The following CEP44 variants were observed in gnomAD, a reference collection of about 807,000 sequenced individuals.
CEP44 encodes centrosomal protein 44.
A neutral mutation model predicts 46.7 loss-of-function variants in CEP44; 45 were observed. The ratio of observed to expected loss-of-function variants is 0.96; its 90% CI spans 0.76 to 1.24. CEP44 has a LOEUF of 1.24. CEP44 is among the 50% of genes most tolerant of loss of function. CEP44 has a pLI of 0.00. For missense variants in CEP44, 475 were observed against 459.7 expected, an observed-to-expected ratio of 1.03 and a Z score of -0.30; for synonymous variants, 142 against 146.0, an observed-to-expected ratio of 0.97 and a Z score of 0.20.
Position 174,326,722 on chromosome 4 carries a change from A to G in CEP44, c.1087-4760A>G, listed in dbSNP as rs2126700072. Among the ~76,000 whole-genome samples, 1 of 151,774 alleles carries G rather than the reference A, an allele frequency of 6.6e-6. No individual in the cohort carries two copies. Among genetic ancestry groups the G allele is most frequent in the South Asian group, 2.1e-4 (1 of 4,810 alleles). ...TGAATTCTGGAAAAGTCTTTATTTC[A>G]CCTTCATTTTCAAATGAAGGATACA... is the stretch of plus-strand genomic sequence containing the variant. On this transcript the variant is annotated intron_variant, in intron 8 of 8. Transcript: ENST00000426172. This position sits in a 1 kb window ranked among gnomAD's most constrained non-coding sequence, Gnocchi z 4.8.
intron 9 of CEP44, among the ~76,000 whole-genome samples, chr4:174,315,135 C>G (rs934150977): frequency 6.6e-6 from 1 of 151,970 alleles, no homozygotes; most frequent in African/African-American, 2.4e-5. Context: ...CTAGTTGTTT[C>G]AGTTCTCAGT....
chr4:174,331,612 C>A lies in CEP44; in HGVS notation c.*17C>A. On this transcript the variant is annotated 3_prime_UTR_variant, in exon 9 of 9. Coordinates refer to the CEP44 transcript ENST00000426172. The surrounding 1 kb of genome is among the most constrained non-coding windows in gnomAD (Gnocchi z 4.5). The stretch of plus-strand genomic sequence containing the variant: ...TGTGTGTAATCTCTGTTTCTTGGAT[C>A]CTGTGCTTACCTTTTCCTGCTGTAC... The A allele has an allele frequency of 6.5e-7, 1 of 1,549,840 alleles. No individual in the cohort carries two copies. The highest frequency in any genetic ancestry group is 8.7e-7 in the Non-Finnish European group (1 of 1,146,006).
chr4:174,306,271 G>C (rs1016724172), intron 6 of CEP44, among the ~76,000 whole-genome samples: 1 of 152,068 alleles, frequency 6.6e-6, no homozygotes, highest in Non-Finnish European at 1.5e-5. Flanking sequence ...ATTGTTAGCT[G>C]AAGGTCTAAT....
rs1183899636 is a variant in CEP44 at position 174,309,999 on chromosome 4, G to A, written c.828G>A (p.Trp276Ter). Residue 276 changes from tryptophan to a stop codon, truncating the protein, a stop_gained, in exon 8 of 12, where the codon TGG (tryptophan) becomes TGA (stop). Coordinates refer to ENST00000503780, the MANE Select transcript of CEP44 (RefSeq NM_001040157.3). LOFTEE classifies it high-confidence loss of function. This position sits in a 1 kb window ranked among gnomAD's most constrained non-coding sequence, Gnocchi z 5.3. ...AAGTGATGGTAGATGAAAACACCTG[G>A]ACTAATCTTCTTAGTCGTGTCACTC... ...KGKVMVDENT[W>*]TNLLSRVTLL... 1 of 1,612,700 alleles carries A rather than the reference G, an allele frequency of 6.2e-7. No individual in the cohort carries two copies. The highest frequency in any genetic ancestry group is 8.5e-7 in the Non-Finnish European group (1 of 1,179,170).
Position 174,309,010 on chromosome 4 carries a change from GTC to G in CEP44, c.678+153_678+154del. On this transcript the variant is annotated intron_variant, in intron 7 of 11. Transcript: ENST00000503780. This position sits in a 1 kb window ranked among gnomAD's most constrained non-coding sequence, Gnocchi z 5.3. ...GTTACAATTACTGAAGTGTCAATAA[GTC>G]TTACTAAAATAATTCAACAAATATT... The G allele has an allele frequency of 1.3e-6, 1 of 748,470 alleles. No individual in the cohort carries two copies. Among genetic ancestry groups the G allele is most frequent in the Non-Finnish European group, 2.2e-6 (1 of 459,142 alleles). The allele number at this position is 748,470 out of a possible 1,614,324, so 46.4% of individuals were successfully genotyped here.
In CEP44 at chr4:174,326,073, G is replaced by A. The variant is rs1170276173; in HGVS notation, c.1087-5409G>A. Among the ~76,000 whole-genome samples, 1 of 152,042 alleles carries A rather than the reference G, an allele frequency of 6.6e-6. No individual in the cohort carries two copies. Among genetic ancestry groups the A allele is most frequent in the African/African-American group, 2.4e-5 (1 of 41,416 alleles). ...TACATTTAACTTGATTATGGATATG[G>A]TTCAAATCTACCACCTTCTTATATT... is the stretch of plus-strand genomic sequence containing the variant. On this transcript the variant is annotated intron_variant, in intron 8 of 8. Transcript: ENST00000426172. The surrounding 1 kb of genome is among the most constrained non-coding windows in gnomAD (Gnocchi z 4.8).
intron 1 of CEP44, among the ~76,000 whole-genome samples, chr4:174,295,639 C>T (rs956829602): frequency 2.6e-5 from 4 of 152,038 alleles, no homozygotes; most frequent in African/African-American, 9.7e-5. Flanking sequence ...AGGCAGGCGG[C>T]TGGGAGGTGG....
chr4:174,300,094 A>T (rs1197271695), intron 3 of CEP44, among the ~76,000 whole-genome samples: 1 of 152,196 alleles, frequency 6.6e-6, no homozygotes, highest in Non-Finnish European at 1.5e-5. Context: ...TCCAGGGACA[A>T]GTCCAAGTTA....
intron 8 of CEP44, among the ~76,000 whole-genome samples, chr4:174,327,167 ATATATATG>A (rs1429440745): frequency 7.0e-6 from 1 of 143,502 alleles, no homozygotes; most frequent in African/African-American, 2.6e-5. Flanking sequence ...GTGTGTGTGT[ATATATATG>A]TATATATATA....
rs1421394049 is a variant in CEP44 at position 174,319,632 on chromosome 4, T to G, written c.*2249T>G. The G allele has an allele frequency of 1.5e-6, 1 of 668,806 alleles. No homozygotes were observed. The highest frequency in any genetic ancestry group is 1.8e-6 in the Non-Finnish European group (1 of 540,770). 41.4% of individuals were successfully genotyped at this position (668,806 alleles called of 1,614,324 possible). A position where few individuals can be genotyped will look rare whatever the true frequency, so the allele number is the denominator to read the frequency against. On this transcript the variant is annotated 3_prime_UTR_variant, in exon 12 of 12. Coordinates refer to ENST00000503780, the MANE Select transcript of CEP44 (RefSeq NM_001040157.3). ...TGTGCAAAATATAAGTAAGTATATA[T>G]TGAAAATATAAAATATTTCATATAT...
chr4:174,292,085 C>G (rs1738300154), intron 1 of CEP44, among the ~76,000 whole-genome samples: 1 of 152,022 alleles, frequency 6.6e-6, no homozygotes, highest in Non-Finnish European at 1.5e-5. Context: ...AGCCACCATG[C>G]CTGGCTATTT....
rs1386688263 is a variant in CEP44, at chr4:174,317,939, A to C, written c.*556A>C. On this transcript the variant is annotated 3_prime_UTR_variant, in exon 12 of 12. Transcript: ENST00000503780. The stretch of plus-strand genomic sequence containing the variant: ...CAATTAACACTGAGAAATTAAGGTT[A>C]AGATTCTCCTTTTGTACTGGGAAAC... 1.0e-6 allele frequency: 1 copy of C among 985,326 alleles called. No individual in the cohort carries two copies. The highest frequency in any genetic ancestry group is 1.7e-5 in the African/African-American group (1 of 57,242). The allele number at this position is 985,326 out of a possible 1,614,324, so 61.0% of individuals were successfully genotyped here. A position where few individuals can be genotyped will look rare whatever the true frequency, so the allele number is the denominator to read the frequency against.
chr4:174,283,797 C>T, upstream of CEP44: 1 of 398,392 alleles, frequency 2.5e-6, no homozygotes, highest in Non-Finnish European at 4.4e-6. The surrounding 1 kb of genome is among the most constrained non-coding windows in gnomAD (Gnocchi z 6.7). Context: ...ATCAGAAAAA[C>T]TTCTCAGCTG....
chr4:174,309,204 G>A lies in CEP44; in HGVS notation c.678+345G>A, dbSNP rs1422614209. ...ATTTTCTTTATTGGTGAATGGAAAA[G>A]ATTGGCACTTTATTGCCTATTCATT... On this transcript the variant is annotated intron_variant, in intron 7 of 11. Transcript: ENST00000503780. This position sits in a 1 kb window ranked among gnomAD's most constrained non-coding sequence, Gnocchi z 5.3. 6.6e-6 allele frequency among the ~76,000 whole-genome samples: 1 copy of A among 152,028 alleles called. No individual in the cohort carries two copies. Among genetic ancestry groups the A allele is most frequent in the East Asian group, 1.9e-4 (1 of 5,182 alleles).
In CEP44 at chr4:174,302,494, T is replaced by A. The variant is rs1470437700; in HGVS notation, c.237+308T>A. Among the ~76,000 whole-genome samples, 3 of 152,144 alleles carry A rather than the reference T, an allele frequency of 2.0e-5. No individual in the cohort carries two copies. In the South Asian group the frequency reaches 6.2e-4, roughly 31 times the overall value. ...GAAATTAGAGAGTAATGTAATTATA[T>A]TCAATAAAACTTACAGTTTTTTAGA... On this transcript the variant is annotated intron_variant, in intron 4 of 11. Transcript: ENST00000503780.
chr4:174,291,787 CTTTTTTT>C lies in CEP44; in HGVS notation c.-147-6160_-147-6154del, dbSNP rs56201469. Among the ~76,000 whole-genome samples, 144 of 46,412 alleles carry C rather than the reference CTTTTTTT, an allele frequency of 3.1e-3. 1 individual carries two copies. The highest frequency in any genetic ancestry group is 9.4e-3 in the African/African-American group (115 of 12,244). The allele number at this position is 46,412 out of a possible 152,430, so 30.4% of individuals were successfully genotyped here. A position where few individuals can be genotyped will look rare whatever the true frequency, so the allele number is the denominator to read the frequency against. On this transcript the variant is annotated intron_variant, in intron 1 of 11. Coordinates refer to ENST00000503780, the MANE Select transcript of CEP44 (RefSeq NM_001040157.3). The stretch of plus-strand genomic sequence containing the variant: ...CTTTATTCTTTTATCTTTTTCTTTT[CTTTTTTT>C]TTTTTTTTTTTTTTTTTTCCAGGTC...
rs888420207 is a variant in CEP44, at chr4:174,311,661, C to T, written c.961+803C>T. Among the ~76,000 whole-genome samples the T allele has an allele frequency of 6.6e-6, 1 of 152,122 alleles. No homozygotes were observed. Among genetic ancestry groups the T allele is most frequent in the African/African-American group, 2.4e-5 (1 of 41,450 alleles). ...AACTACTATATTAACTCATTTAATTCTTGAAGTAACCATTGCAAGATAAGT... is the reference window on the plus strand; with the variant it reads ...AACTACTATATTAACTCATTTAATTTTTGAAGTAACCATTGCAAGATAAGT... On this transcript the variant is annotated intron_variant, in intron 9 of 11. Transcript: ENST00000503780. This position sits in a 1 kb window ranked among gnomAD's most constrained non-coding sequence, Gnocchi z 4.4.
chr4:174,306,105 T>C (rs917196916), intron 6 of CEP44, among the ~76,000 whole-genome samples: 2 of 152,174 alleles, frequency 1.3e-5, no homozygotes, highest in African/African-American at 4.8e-5. Flanking sequence ...CAGTGCCTTA[T>C]ATAGTATGCC....
chr4:174,296,662 A>T (rs1302581103), intron 1 of CEP44, among the ~76,000 whole-genome samples: 1 of 152,018 alleles, frequency 6.6e-6, no homozygotes, highest in Non-Finnish European at 1.5e-5. Flanking sequence ...TGGATGTTCC[A>T]TGTGAAATTG....
Sources: allele counts gnomAD v4.1 joint callset (sites outside exome capture counted in the v4.1 genomes callset), GRCh38; gene constraint gnomAD v4.1.1; non-coding constraint Gnocchi (gnomAD v3.1); transcripts MANE v1.5; gene names NCBI Gene and HGNC (gene_info 2026-07-23, HGNC 2026-07-21).